The following CNTN5 variants were observed in gnomAD, a reference collection of about 807,000 sequenced individuals.
CNTN5 encodes contactin 5.
A neutral mutation model predicts 129.1 loss-of-function variants in CNTN5; 77 were observed. That is an observed-to-expected ratio of 0.60 (90% confidence interval 0.50 to 0.72). The LOEUF is 0.72. Among genes scored for constraint, CNTN5 ranks in the 30% least tolerant of loss-of-function variants. The pLI, the probability that CNTN5 is intolerant of heterozygous loss-of-function variation, is 0.00. For synonymous variants in CNTN5, 509 were observed against 465.6 expected (o/e 1.09, Z -1.20); for missense variants, 1,478 against 1,328.8 (o/e 1.11, Z -1.75).
intron 13 of CNTN5, among the ~76,000 whole-genome samples, chr11:100,184,157 T>C (rs149827988): frequency 6.6e-6 from 1 of 152,316 alleles, no homozygotes; most frequent in East Asian, 1.9e-4. Context: ...CTTTTTAACA[T>C]TTATCACACA....
intron 3 of CNTN5, among the ~76,000 whole-genome samples, chr11:99,774,641 T>C (rs1341676377): frequency 6.6e-6 from 1 of 152,004 alleles, no homozygotes; most frequent in Non-Finnish European, 1.5e-5. Flanking sequence ...TTGAAGGCAG[T>C]TCTCGGGCTC....
chr11:100,246,710 G>A (rs564168786), intron 16 of CNTN5, among the ~76,000 whole-genome samples: 103 of 152,194 alleles, frequency 6.8e-4, no homozygotes, highest in African/African-American at 2.5e-3. Flanking sequence ...TAAATTTAGA[G>A]TCTTCTTTCA....
intron 1 of CNTN5, among the ~76,000 whole-genome samples, chr11:99,323,445 T>A (rs1012090946): frequency 6.6e-6 from 1 of 152,146 alleles, no homozygotes. Flanking sequence ...TTCATTATAA[T>A]TTTTTTCTTT....
At chr11:99,368,477 A>C (rs2136125434) in intron 2 of CNTN5, among the ~76,000 whole-genome samples, 1 of 151,928 alleles carries the variant, frequency 6.6e-6, no homozygotes, top group Middle Eastern at 3.4e-3. Flanking sequence ...CTCTTGTCTT[A>C]AATTAAAAAA....
In CNTN5 at chr11:99,957,858, C is replaced by T. The variant is rs181300283; in HGVS notation, c.877+849C>T. The stretch of plus-strand genomic sequence containing the variant: ...TAGTTTATATAGACTTTGTTGTTTG[C>T]GTGTGTGTGTGTGTGTGTATATATG... On this transcript the variant is annotated intron_variant, in intron 8 of 24. Coordinates refer to ENST00000524871, the MANE Select transcript of CNTN5 (RefSeq NM_014361.4). Among the ~76,000 whole-genome samples, 259 of 148,578 alleles carry T rather than the reference C, an allele frequency of 1.7e-3. 2 individuals carry two copies. The East Asian group carries it at 0.028, about 16-fold the overall frequency.
chr11:100,330,033 G>A (rs530467228), intron 21 of CNTN5, among the ~76,000 whole-genome samples: 40 of 152,232 alleles, frequency 2.6e-4, no homozygotes, highest in African/African-American at 9.6e-4. Context: ...GACAATCAAG[G>A]AGGCACCAGA....
intron 9 of CNTN5, among the ~76,000 whole-genome samples, chr11:100,048,908 AAAAC>A (rs201503215): frequency 0.023 from 3,566 of 152,250 alleles, 67 homozygotes; most frequent in South Asian, 0.038. Context: ...TAATTGATGA[AAAAC>A]AAAAATAAAA....
intron 9 of CNTN5, among the ~76,000 whole-genome samples, chr11:100,047,528 AT>A (rs1942745336): frequency 1.3e-5 from 2 of 152,232 alleles, no homozygotes. Context: ...CAAAAAGAAT[AT>A]ATGGACTATA....
intron 1 of CNTN5, among the ~76,000 whole-genome samples, chr11:99,120,695 C>T (rs983811997): frequency 2.6e-5 from 4 of 152,144 alleles, no homozygotes; most frequent in African/African-American, 9.7e-5. Context: ...CTGAAGGTCA[C>T]ACAAGGCTTG....
chr11:99,847,860 A>T (rs974658801), intron 6 of CNTN5, among the ~76,000 whole-genome samples: 1 of 150,112 alleles, frequency 6.7e-6, no homozygotes, highest in Non-Finnish European at 1.5e-5. Context: ...TGGGGAGAAA[A>T]AAGAAAAGGG....
intron 3 of CNTN5, among the ~76,000 whole-genome samples, chr11:99,632,782 A>T (rs1398129268): frequency 6.6e-6 from 1 of 152,100 alleles, no homozygotes; most frequent in African/African-American, 2.4e-5. Flanking sequence ...ATTGATTGGC[A>T]TTAGATTTTC....
At chr11:99,311,358 T>C (rs58863920) in intron 1 of CNTN5, among the ~76,000 whole-genome samples, 14,953 of 152,268 alleles carry the variant, frequency 0.098, 1,585 homozygotes, top group East Asian at 0.46. Flanking sequence ...TAAGGGGTTA[T>C]TGTTCTACAA....
chr11:99,221,579 C>G (rs967625192), intron 1 of CNTN5, among the ~76,000 whole-genome samples: 2 of 151,840 alleles, frequency 1.3e-5, no homozygotes, highest in African/African-American at 4.8e-5. Flanking sequence ...ATAGATATGC[C>G]ACTTTTTAAC....
At chr11:100,150,585 C>T (rs982732615) in intron 13 of CNTN5, among the ~76,000 whole-genome samples, 1 of 151,210 alleles carries the variant, frequency 6.6e-6, no homozygotes, top group South Asian at 2.1e-4. Flanking sequence ...CTTTTTTTCC[C>T]TCTCAAAACT....
intron 1 of CNTN5, among the ~76,000 whole-genome samples, chr11:99,237,944 G>T (rs73532956): frequency 6.6e-6 from 1 of 152,026 alleles, no homozygotes; most frequent in Non-Finnish European, 1.5e-5. Flanking sequence ...TTTACTTTTT[G>T]TATTGTTCCT....
At chr11:99,401,365 C>A (rs370797429) in intron 2 of CNTN5, among the ~76,000 whole-genome samples, 1 of 152,000 alleles carries the variant, frequency 6.6e-6, no homozygotes, top group Non-Finnish European at 1.5e-5. Flanking sequence ...GTTCTTGGTA[C>A]CTTTGTCAGA....
At chr11:100,087,570 A>G (rs1470048395) in intron 13 of CNTN5, among the ~76,000 whole-genome samples, 1 of 152,078 alleles carries the variant, frequency 6.6e-6, no homozygotes, top group East Asian at 1.9e-4. Context: ...GTTCAATTCA[A>G]CAAGAAGACT....
chr11:99,023,574 A>C (rs771686008), intron 1 of CNTN5, among the ~76,000 whole-genome samples: 4 of 152,232 alleles, frequency 2.6e-5, no homozygotes, highest in Non-Finnish European at 5.9e-5. Flanking sequence ...AGATGGCTGT[A>C]ATACTGTGAA....
intron 9 of CNTN5, among the ~76,000 whole-genome samples, chr11:100,011,629 T>G (rs969059494): frequency 1.3e-5 from 2 of 152,128 alleles, no homozygotes; most frequent in African/African-American, 2.4e-5. Context: ...TTTCCTGCCC[T>G]TTTTAGTTCC....
Sources: gnomAD v4.1 joint callset for allele counts (sites outside exome capture counted in the v4.1 genomes callset) on GRCh38, gnomAD v4.1.1 for gene constraint, MANE v1.5 for transcripts, NCBI Gene and HGNC (gene_info 2026-07-23, HGNC 2026-07-21) for gene names.